BMPER: variants seen among roughly 807,000 people sequenced by gnomAD.
The protein encoded by BMPER is BMP-binding endothelial regulator protein.
In BMPER, 45 loss-of-function variants were observed where a neutral mutation model predicts 87.3. The ratio of observed to expected loss-of-function variants is 0.52; its 90% CI spans 0.41 to 0.66. BMPER has a LOEUF of 0.66. Among genes scored for constraint, BMPER ranks in the 30% least tolerant of loss-of-function variants. BMPER has a pLI of 0.00. For synonymous variants in BMPER, 326 were observed against 316.2 expected (o/e 1.03, Z -0.33); for missense variants, 784 against 867.5 (o/e 0.90, Z 1.21).
chr7:34,088,928 G>GT (rs1254545014), intron 13 of BMPER, among the ~76,000 whole-genome samples: 1 of 152,120 alleles, frequency 6.6e-6, no homozygotes, highest in African/African-American at 2.4e-5. Flanking sequence ...TCCAGGTAGT[G>GT]TAAGTGACGA....
At chr7:34,135,590 A>T (rs1790699302) in intron 13 of BMPER, among the ~76,000 whole-genome samples, 1 of 152,018 alleles carries the variant, frequency 6.6e-6, no homozygotes, top group African/African-American at 2.4e-5. Context: ...ATTGTTTTTG[A>T]TATTGGGAGG....
At position 33,905,602 on chromosome 7, in the gene BMPER, C is replaced by T; in HGVS notation, c.-12C>T. On this transcript the variant is annotated 5_prime_UTR_variant, in exon 1 of 15. Coordinates refer to ENST00000649409, the MANE Select transcript of BMPER (RefSeq NM_001365308.1). Reference sequence around the variant, plus strand: ...GGGACCTGCAGTCGCCAGGGATTCCCTCCAGGTGACGATGCTCTGGTTCTC... The same window carrying T: ...GGGACCTGCAGTCGCCAGGGATTCCTTCCAGGTGACGATGCTCTGGTTCTC... The T allele has an allele frequency of 6.2e-7, 1 of 1,611,736 alleles. No homozygotes were observed. The highest frequency in any genetic ancestry group is 8.5e-7 in the Non-Finnish European group (1 of 1,179,848).
chr7:34,003,032 G>A (rs182656603), intron 6 of BMPER, among the ~76,000 whole-genome samples: 159 of 151,702 alleles, frequency 1.0e-3, no homozygotes, highest in Non-Finnish European at 1.7e-3. Context: ...TGATAAGATA[G>A]GATTTTTATC....
At position 34,153,920 on chromosome 7, in the gene BMPER, G is replaced by A. The variant is rs915358642; in HGVS notation, c.*647G>A. 3 of 154,870 alleles carry A rather than the reference G, an allele frequency of 1.9e-5. No homozygotes were observed. The highest frequency in any genetic ancestry group is 2.4e-5 in the African/African-American group (1 of 41,570). 9.6% of individuals were successfully genotyped at this position (154,870 alleles called of 1,614,324 possible). On this transcript the variant is annotated 3_prime_UTR_variant, in exon 15 of 15. Transcript: ENST00000649409. ...ATATATTTGTCACTAGGGCATAACC[G>A]AAGAATCAAGTGATTTCTTGCCATC... is the stretch of plus-strand genomic sequence containing the variant.
chr7:34,092,063 T>G (rs949911324), intron 13 of BMPER, among the ~76,000 whole-genome samples: 5 of 152,204 alleles, frequency 3.3e-5, no homozygotes, highest in Admixed American at 1.3e-4. Context: ...GATCTCCTTG[T>G]GACTTTTGCT....
intron 5 of BMPER, among the ~76,000 whole-genome samples, chr7:33,974,280 T>G (rs1327799449): frequency 6.6e-6 from 1 of 152,134 alleles, no homozygotes; most frequent in Non-Finnish European, 1.5e-5. Flanking sequence ...GTGCCCTTCT[T>G]AGGTACTCAT....
At chr7:34,023,578 C>G (rs1787256705) in intron 6 of BMPER, among the ~76,000 whole-genome samples, 1 of 151,950 alleles carries the variant, frequency 6.6e-6, no homozygotes, top group South Asian at 2.1e-4. Flanking sequence ...TATCCTTTGC[C>G]AAATGTTTAA....
intron 7 of BMPER, among the ~76,000 whole-genome samples, chr7:34,047,202 G>C (rs1160147792): frequency 6.6e-6 from 1 of 152,096 alleles, no homozygotes; most frequent in Non-Finnish European, 1.5e-5. Flanking sequence ...GACAACTCAT[G>C]ATGGGTATTT....
intron 3 of BMPER, among the ~76,000 whole-genome samples, chr7:33,965,302 T>G (rs1785378526): frequency 6.6e-6 from 1 of 152,226 alleles, no homozygotes; most frequent in Admixed American, 6.5e-5. Context: ...CATAATTCTT[T>G]GGGAATTCAG....
Position 34,085,804 on chromosome 7 carries a change from C to T in BMPER, c.1457C>T (p.Ala486Val), listed in dbSNP as rs368522901. The change falls in exon 13 of 15, where the codon GCG becomes GTG. Residue 486 changes from alanine to valine, a missense_variant. Transcript: ENST00000649409. ...DGDSFVEVMA[A>V]PHLKGKLCGL... ...GACAGTTTTGTAGAAGTCATGGCTGCGCCGCATCTCAAGGGCAAGCTCTGT... is the reference window on the plus strand; with the variant it reads ...GACAGTTTTGTAGAAGTCATGGCTGTGCCGCATCTCAAGGGCAAGCTCTGT... The T allele has an allele frequency of 9.2e-5, 148 of 1,614,112 alleles. 1 individual carries two copies. The Middle Eastern group carries it at 9.9e-4, about 11-fold the overall frequency.
intron 13 of BMPER, among the ~76,000 whole-genome samples, chr7:34,119,004 T>A (rs1384030265): frequency 0.034 from 1,475 of 43,150 alleles, 15 homozygotes; most frequent in Middle Eastern, 0.12. Flanking sequence ...ACTGTCTCTC[T>A]CTCTCTCTCT....
At chr7:34,133,624 G>A (rs762537810) in intron 13 of BMPER, among the ~76,000 whole-genome samples, 7 of 152,170 alleles carry the variant, frequency 4.6e-5, no homozygotes, top group East Asian at 1.9e-4. Context: ...TTTATAAACC[G>A]GTTGGTCAGA....
chr7:34,017,348 G>C (rs1043591973), intron 6 of BMPER, among the ~76,000 whole-genome samples: 1 of 151,842 alleles, frequency 6.6e-6, no homozygotes, highest in African/African-American at 2.4e-5. Context: ...CCTCATGGCT[G>C]CGGGGACCTC....
At chr7:34,011,834 T>C (rs2127941497) in intron 6 of BMPER, among the ~76,000 whole-genome samples, 1 of 151,890 alleles carries the variant, frequency 6.6e-6, no homozygotes, top group East Asian at 2.0e-4. Flanking sequence ...CAGTAATATT[T>C]TCCCTGTAAA....
intron 2 of BMPER, among the ~76,000 whole-genome samples, chr7:33,914,280 A>G (rs951332398): frequency 3.9e-5 from 6 of 152,166 alleles, no homozygotes; most frequent in Non-Finnish European, 8.8e-5. Flanking sequence ...CACAATTTTT[A>G]TACATTAATC....
intron 10 of BMPER, among the ~76,000 whole-genome samples, chr7:34,058,735 T>A (rs1406598141): frequency 6.6e-6 from 1 of 152,196 alleles, no homozygotes; most frequent in Non-Finnish European, 1.5e-5. Context: ...AAAGCAACCA[T>A]TATCTTCTAA....
At chr7:33,915,980 A>T (rs1784079301) in intron 2 of BMPER, among the ~76,000 whole-genome samples, 1 of 152,210 alleles carries the variant, frequency 6.6e-6, no homozygotes, top group Non-Finnish European at 1.5e-5. Flanking sequence ...AGCACAAAAA[A>T]TTCTCAAAAC....
chr7:33,981,900 C>T (rs1785874460), intron 6 of BMPER, among the ~76,000 whole-genome samples: 1 of 152,212 alleles, frequency 6.6e-6, no homozygotes, highest in Non-Finnish European at 1.5e-5. Context: ...TGTTCCTAAG[C>T]CTCAGAGATC....
intron 13 of BMPER, among the ~76,000 whole-genome samples, chr7:34,119,014 T>TCTCACA (rs66493349): frequency 7.4e-6 from 1 of 135,712 alleles, no homozygotes; most frequent in Non-Finnish European, 1.6e-5. Flanking sequence ...TCTCTCTCTC[T>TCTCACA]CACACACACA....
Sources: gnomAD v4.1 joint callset for allele counts (sites outside exome capture counted in the v4.1 genomes callset) on GRCh38, gnomAD v4.1.1 for gene constraint, MANE v1.5 for transcripts, NCBI Gene and HGNC (gene_info 2026-07-23, HGNC 2026-07-21) for gene names.